Variants in FLT3 observed in about 807,000 individuals in gnomAD.
The protein encoded by FLT3 is receptor-type tyrosine-protein kinase FLT3.
A neutral mutation model predicts 126.6 loss-of-function variants in FLT3; 46 were observed. The observed-to-expected ratio is 0.36, with a 90% CI of 0.29 to 0.46. FLT3 has a LOEUF of 0.46. Among genes scored for constraint, FLT3 ranks in the 20% least tolerant of loss-of-function variants. The probability of loss-of-function intolerance (pLI) is 1.00; values close to 1 mark genes in which losing one functional copy is unlikely to be tolerated. For missense variants in FLT3, 1,069 were observed against 1,190.3 expected (o/e 0.90, Z 1.50); for synonymous variants, 404 against 434.4 (o/e 0.93, Z 0.87).
chr13:28,013,267 C>A (rs185931487), intron 23 of FLT3, among the ~76,000 whole-genome samples: 6 of 152,336 alleles, frequency 3.9e-5, no homozygotes, highest in Admixed American at 2.0e-4. Context: ...GGAGGACAGA[C>A]AATCCACTTA....
At chr13:28,021,726 C>CTATT (rs1178461344) in intron 19 of FLT3, among the ~76,000 whole-genome samples, 1 of 151,784 alleles carries the variant, frequency 6.6e-6, no homozygotes, top group African/African-American at 2.4e-5. Context: ...TGTGCCCAGC[C>CTATT]TATTTATTTA....
intron 23 of FLT3, among the ~76,000 whole-genome samples, chr13:28,006,728 C>CTTTTTTTTTTTTTT (rs753656559): frequency 7.5e-6 from 1 of 132,900 alleles, no homozygotes. Context: ...CCTTTCTTTC[C>CTTTTTTTTTTTTTT]TTTTTTTTTT....
At chr13:28,024,158 GT>G (rs1458982506) in intron 18 of FLT3, among the ~76,000 whole-genome samples, 2 of 139,744 alleles carry the variant, frequency 1.4e-5, no homozygotes, top group Admixed American at 1.5e-4. Context: ...TTGAGTTGAA[GT>G]CTCACTCTGT....
rs1879747033 is a variant in FLT3 at position 28,100,382 on chromosome 13, C to G, written c.43+86G>C. The G allele has an allele frequency of 1.0e-6, 1 of 967,004 alleles. No individual in the cohort carries two copies. The highest frequency in any genetic ancestry group is 3.5e-5 in the East Asian group (1 of 28,964). The allele number at this position is 967,004 out of a possible 1,614,324, so 59.9% of individuals were successfully genotyped here. ...CGCGGGGAGGAGCGAGGCGGCTGGGCCGGAGGAGGCGCGCGCCCGGGTCCA... is the reference window on the plus strand; with the variant it reads ...CGCGGGGAGGAGCGAGGCGGCTGGGGCGGAGGAGGCGCGCGCCCGGGTCCA... On this transcript the variant is annotated intron_variant, in intron 1 of 23. Coordinates refer to ENST00000241453, the MANE Select transcript of FLT3 (RefSeq NM_004119.3). This position sits in a 1 kb window ranked among gnomAD's most constrained non-coding sequence, Gnocchi z 4.8.
chr13:28,081,577 C>G (rs1006500314), intron 1 of FLT3, among the ~76,000 whole-genome samples: 2 of 152,134 alleles, frequency 1.3e-5, no homozygotes, highest in African/African-American at 4.8e-5. Flanking sequence ...CCTTTTCAAT[C>G]TGGATGCTTT....
intron 1 of FLT3, among the ~76,000 whole-genome samples, chr13:28,087,997 G>A (rs1323573038): frequency 6.6e-6 from 1 of 152,124 alleles, no homozygotes; most frequent in Non-Finnish European, 1.5e-5. Flanking sequence ...TCCCTTTTGG[G>A]TGACTGATTT....
At chr13:28,041,285 C>G (rs1485749354) in intron 9 of FLT3, among the ~76,000 whole-genome samples, 1 of 152,042 alleles carries the variant, frequency 6.6e-6, no homozygotes, top group Non-Finnish European at 1.5e-5. Context: ...TCTCTCTGGA[C>G]AATGGCCAAA....
intron 5 of FLT3, among the ~76,000 whole-genome samples, chr13:28,051,788 C>T (rs7991154): frequency 0.26 from 38,085 of 146,594 alleles, 5,588 homozygotes; most frequent in African/African-American, 0.4. Flanking sequence ...CCTCGTGATC[C>T]GCCGGTCTTG....
At position 28,003,791 on chromosome 13, in the gene FLT3, C is replaced by T. The variant is rs1161186189; in HGVS notation, c.*261G>A. The T allele has an allele frequency of 2.1e-6, 1 of 475,970 alleles. No individual in the cohort carries two copies. 29.5% of individuals were successfully genotyped at this position (475,970 alleles called of 1,614,324 possible). ...CTTCAGGTACACAATTCACTCAAGC[C>T]AGCCTGAGAAGGCCTTGGATGCAGA... is the stretch of plus-strand genomic sequence containing the variant. On this transcript the variant is annotated 3_prime_UTR_variant, in exon 24 of 24. Transcript: ENST00000241453.
intron 20 of FLT3, among the ~76,000 whole-genome samples, chr13:28,017,726 G>A (rs1387386277): frequency 6.7e-5 from 10 of 149,334 alleles, no homozygotes; most frequent in African/African-American, 1.5e-4. Context: ...GTGCAGTGGC[G>A]CGATCTCAGC....
intron 23 of FLT3, 28 bp downstream of exon 23, chr13:28,014,424 G>A (rs771577500): frequency 6.8e-7 from 1 of 1,476,542 alleles, no homozygotes; most frequent in South Asian, 1.1e-5. Context: ...CCTTTGTAAA[G>A]CTTTATAAAG....
rs57182658 is a variant in FLT3 at position 28,023,802 on chromosome 13, C to CT, written c.2291-326dup. Among the ~76,000 whole-genome samples, 71,208 of 149,736 alleles carry CT rather than the reference C, an allele frequency of 0.48. 17,099 individuals carry two copies. Among genetic ancestry groups the CT allele is most frequent in the Middle Eastern group, 0.6 (173 of 290 alleles). ...AGGAATTAATATTAATTGTCTATCC[C>CT]TTTTTTTTTTGAGAAGGAGTCTCGC... On this transcript the variant is annotated intron_variant, in intron 18 of 23. Coordinates refer to ENST00000241453, the MANE Select transcript of FLT3 (RefSeq NM_004119.3).
chr13:28,043,849 C>T (rs770319032), intron 9 of FLT3, among the ~76,000 whole-genome samples: 2 of 151,990 alleles, frequency 1.3e-5, no homozygotes, highest in East Asian at 1.9e-4. Flanking sequence ...AGGTGGTTCA[C>T]GGCTGTAATC....
intron 1 of FLT3, among the ~76,000 whole-genome samples, chr13:28,075,145 G>A (rs535349202): frequency 7.2e-5 from 11 of 152,240 alleles, no homozygotes; most frequent in African/African-American, 2.6e-4. Flanking sequence ...ATAATGTGAT[G>A]TTTTAATATA....
At chr13:28,043,996 G>C (rs1026800898) in intron 9 of FLT3, among the ~76,000 whole-genome samples, 2 of 150,796 alleles carry the variant, frequency 1.3e-5, no homozygotes, top group South Asian at 2.1e-4. Flanking sequence ...TGTAATCCCA[G>C]CTACTCGAGA....
chr13:28,033,804 T>C lies in FLT3; in HGVS notation c.1942+83A>G, dbSNP rs1873572168. The C allele has an allele frequency of 4.8e-6, 5 of 1,034,542 alleles. No individual in the cohort carries two copies. In the East Asian group the frequency reaches 9.5e-5, roughly 20 times the overall value. The allele number at this position is 1,034,542 out of a possible 1,614,324, so 64.1% of individuals were successfully genotyped here. A position where few individuals can be genotyped will look rare whatever the true frequency, so the allele number is the denominator to read the frequency against. ...TGGCAAACAGTAACCATTAAAAGGA[T>C]GGAAAAGAGAAGAAGGCATGGGTGG... On this transcript the variant is annotated intron_variant, in intron 15 of 23. Coordinates refer to ENST00000241453, the MANE Select transcript of FLT3 (RefSeq NM_004119.3).
chr13:28,013,207 GTCTATA>G (rs1352905013), intron 23 of FLT3, among the ~76,000 whole-genome samples: 2 of 152,072 alleles, frequency 1.3e-5, no homozygotes, highest in Non-Finnish European at 2.9e-5. Context: ...ATCTACCCAG[GTCTATA>G]TAGAGAATAC....
At chr13:28,068,630 A>G (rs1242310706) in intron 2 of FLT3, among the ~76,000 whole-genome samples, 2 of 152,304 alleles carry the variant, frequency 1.3e-5, no homozygotes, top group East Asian at 1.9e-4. Flanking sequence ...CAGTGGCACA[A>G]TCTTGGCTCA....
intron 11 of FLT3, 48 bp from the exon 12 acceptor site, chr13:28,035,721 A>T: frequency 3.8e-6 from 6 of 1,558,576 alleles, no homozygotes; most frequent in Non-Finnish European, 5.2e-6. Flanking sequence ...CTGTCATCAG[A>T]TTGGAAGTTA....
Sources: gnomAD v4.1 joint callset for allele counts (sites outside exome capture counted in the v4.1 genomes callset) on GRCh38, gnomAD v4.1.1 for gene constraint, Gnocchi (gnomAD v3.1) non-coding constraint, MANE v1.5 for transcripts, NCBI Gene and HGNC (gene_info 2026-07-23, HGNC 2026-07-21) for gene names.